Variants in EXD3 observed in about 807,000 individuals in gnomAD.
The protein encoded by EXD3 is exonuclease 3'-5' domain containing 3, also known as exonuclease mut-7 homolog.
In EXD3, 92 loss-of-function variants were observed where a neutral mutation model predicts 98.0. The observed-to-expected ratio is 0.94, with a 90% CI of 0.79 to 1.12. The LOEUF is 1.12. Among genes scored for constraint, EXD3 ranks in the 50% most tolerant of loss-of-function variants. The probability of loss-of-function intolerance (pLI) is 0.00; values close to 1 mark genes in which losing one functional copy is unlikely to be tolerated. For synonymous variants in EXD3, 569 were observed against 526.0 expected, an observed-to-expected ratio of 1.08 and a Z score of -1.12; for missense variants, 1,222 against 1,191.6, an observed-to-expected ratio of 1.03 and a Z score of -0.38.
intron 10 of EXD3, 140 bp downstream of exon 10, chr9:137,354,199 G>T: frequency 6.9e-7 from 1 of 1,455,972 alleles, no homozygotes; most frequent in Non-Finnish European, 9.2e-7. Context: ...CCAGCCACAC[G>T]CCCCAACATG....
chr9:137,346,344 G>A (rs1833931446), intron 17 of EXD3, among the ~76,000 whole-genome samples: 1 of 149,002 alleles, frequency 6.7e-6, no homozygotes, highest in Admixed American at 6.7e-5. Flanking sequence ...CCCATAACTA[G>A]TATTTAAACA....
In EXD3 at chr9:137,346,238, C is replaced by CAAAAAAAAAAAAAAAAAA. The variant is rs563761495; in HGVS notation, c.1998+1815_1998+1832dup. Among the ~76,000 whole-genome samples the CAAAAAAAAAAAAAAAAAA allele has an allele frequency of 9.5e-4, 13 of 13,614 alleles. 2 individuals are homozygous for CAAAAAAAAAAAAAAAAAA. Among genetic ancestry groups the CAAAAAAAAAAAAAAAAAA allele is most frequent in the African/African-American group, 3.1e-3 (11 of 3,508 alleles). 8.9% of individuals were successfully genotyped at this position (13,614 alleles called of 152,430 possible). A position where few individuals can be genotyped will look rare whatever the true frequency, so the allele number is the denominator to read the frequency against. On this transcript the variant is annotated intron_variant, in intron 17 of 21. Coordinates refer to ENST00000340951, the MANE Select transcript of EXD3 (RefSeq NM_017820.5). ...TGGGAGACAGAGCAAGACTCCGTCT[C>CAAAAAAAAAAAAAAAAAA]AAAAAAAAAAAAAAAAAAAAAAAAA...
Position 137,349,020 on chromosome 9 carries a change from G to A in EXD3, c.1830+90C>T, listed in dbSNP as rs1484469496. 2.8e-6 allele frequency: 4 copies of A among 1,424,312 alleles called. No homozygotes were observed. The African/African-American group carries it at 4.3e-5, about 15-fold the overall frequency. The allele number at this position is 1,424,312 out of a possible 1,614,324, so 88.2% of individuals were successfully genotyped here. ...CCCCCTCCACACGCTCTGACCCAGT[G>A]GCCTTGTCTCCATGCAGGTCCTTGG... On this transcript the variant is annotated intron_variant, in intron 16 of 21. Coordinates refer to ENST00000340951, the MANE Select transcript of EXD3 (RefSeq NM_017820.5). The surrounding 1 kb of genome is among the most constrained non-coding windows in gnomAD (Gnocchi z 7.4).
chr9:137,418,727 T>A (rs1441763405), intron 1 of EXD3, among the ~76,000 whole-genome samples: 1 of 151,700 alleles, frequency 6.6e-6, no homozygotes, highest in Non-Finnish European at 1.5e-5. Flanking sequence ...TTTCGTGTAG[T>A]AATAAGAGAT....
At chr9:137,308,761 C>G (rs1831198803) in intron 20 of EXD3, among the ~76,000 whole-genome samples, 1 of 151,946 alleles carries the variant, frequency 6.6e-6, no homozygotes, top group Non-Finnish European at 1.5e-5. Flanking sequence ...CTCAGCCTCC[C>G]AAGTAGCTGG....
chr9:137,321,690 A>G (rs566015111), intron 19 of EXD3, among the ~76,000 whole-genome samples: 10 of 152,180 alleles, frequency 6.6e-5, no homozygotes, highest in Admixed American at 2.0e-4. Flanking sequence ...CCCACCCCCA[A>G]AAAACCCCAG....
chr9:137,400,818 A>G (rs1309854475), intron 1 of EXD3, among the ~76,000 whole-genome samples: 1 of 152,132 alleles, frequency 6.6e-6, no homozygotes, highest in African/African-American at 2.4e-5. Context: ...AAGGGATTAC[A>G]GGGCCCACGC....
At chr9:137,402,175 C>A (rs1837505612) in intron 1 of EXD3, among the ~76,000 whole-genome samples, 1 of 151,950 alleles carries the variant, frequency 6.6e-6, no homozygotes, top group African/African-American at 2.4e-5. Context: ...GCCACCACGC[C>A]CGGCTAATTT....
intron 1 of EXD3, among the ~76,000 whole-genome samples, chr9:137,419,070 G>A (rs1838380592): frequency 6.6e-6 from 1 of 152,058 alleles, no homozygotes; most frequent in Admixed American, 6.6e-5. Context: ...ACCCCGAGAA[G>A]TCCAAGGGAG....
intron 1 of EXD3, among the ~76,000 whole-genome samples, chr9:137,409,088 G>A (rs1837872958): frequency 6.6e-6 from 1 of 152,242 alleles, no homozygotes; most frequent in African/African-American, 2.4e-5. Context: ...GTGGGGCCTT[G>A]GGACGTGCCC....
chr9:137,328,388 AACTAATATACAC>A (rs1230571893), intron 17 of EXD3, among the ~76,000 whole-genome samples: 85 of 152,390 alleles, frequency 5.6e-4, no homozygotes, highest in African/African-American at 1.5e-3. Flanking sequence ...GAGTAAAAAC[AACTAATATACAC>A]TCATATGATG....
At chr9:137,414,745 G>A (rs1034528269) in intron 1 of EXD3, among the ~76,000 whole-genome samples, 1 of 152,196 alleles carries the variant, frequency 6.6e-6, no homozygotes, top group Non-Finnish European at 1.5e-5. Flanking sequence ...ACAGGAGATG[G>A]AGAAGGAGGC....
Position 137,367,959 on chromosome 9 carries a change from G to T in EXD3, c.493C>A (p.Gln165Lys). 2 of 1,611,918 alleles carry T rather than the reference G, an allele frequency of 1.2e-6. No homozygotes were observed. The highest frequency in any genetic ancestry group is 2.2e-5 in the South Asian group (2 of 91,070). The change falls in exon 6 of 22, where the codon CAG becomes AAG. Residue 165 changes from glutamine (Q) to lysine (K), a missense_variant. Gln to Lys is a moderately conservative substitution (Grantham distance 53). Coordinates refer to ENST00000340951, the MANE Select transcript of EXD3 (RefSeq NM_017820.5). The stretch of plus-strand genomic sequence containing the variant: ...ACCTTTTCAACGCCAAGCTCCGACT[G>T]CAGCTTCAACGTCGCGCCCAGCGTG... Reference protein sequence around the residue: ...AATLGATLKLQSELGVEKMSI... With the variant: ...AATLGATLKLKSELGVEKMSI...
intron 1 of EXD3, among the ~76,000 whole-genome samples, chr9:137,401,150 TC>T (rs1797333867): frequency 8.2e-6 from 1 of 122,218 alleles, no homozygotes; most frequent in Non-Finnish European, 1.7e-5. Flanking sequence ...CCCACCCATT[TC>T]CTTTTTTTTT....
intron 2 of EXD3, among the ~76,000 whole-genome samples, chr9:137,388,211 C>CCA (rs1426101001): frequency 6.6e-5 from 10 of 152,270 alleles, no homozygotes; most frequent in Non-Finnish European, 1.2e-4. Flanking sequence ...GCTTCCCCCC[C>CCA]AGCCACCCTC....
At chr9:137,422,411 G>C (rs986894703) in intron 1 of EXD3, among the ~76,000 whole-genome samples, 1 of 152,104 alleles carries the variant, frequency 6.6e-6, no homozygotes, top group African/African-American at 2.4e-5. Context: ...CTCGAGCCAA[G>C]TAACTATCCA....
intron 10 of EXD3, 64 bp from the exon 11 acceptor site, chr9:137,352,850 G>A (rs969894807): frequency 4.9e-5 from 75 of 1,520,038 alleles, no homozygotes; most frequent in Middle Eastern, 2.1e-4. Context: ...GCCCTGCCCC[G>A]AGGGACCCCC....
rs549374602 is a variant in EXD3 at position 137,346,188 on chromosome 9, G to A, written c.1998+1883C>T. 4.6e-4 allele frequency among the ~76,000 whole-genome samples: 57 copies of A among 123,770 alleles called. 1 individual carries two copies. Among genetic ancestry groups the A allele is most frequent in the Admixed American group, 3.8e-3 (36 of 9,546 alleles). The allele number at this position is 123,770 out of a possible 152,430, so 81.2% of individuals were successfully genotyped here. A position where few individuals can be genotyped will look rare whatever the true frequency, so the allele number is the denominator to read the frequency against. Reference sequence around the variant, plus strand: ...TGGGAGGCGGAGCTTGCAGTGAGCCGAGATCGCACCACTGCACTCCGGGCT... The same window carrying A: ...TGGGAGGCGGAGCTTGCAGTGAGCCAAGATCGCACCACTGCACTCCGGGCT... On this transcript the variant is annotated intron_variant, in intron 17 of 21. Transcript: ENST00000340951.
chr9:137,351,506 T>A lies in EXD3; in HGVS notation c.1196A>T (p.Asp399Val). The change falls in exon 13 of 22, where the codon GAC becomes GTC. Residue 399 changes from aspartate to valine, a missense_variant. Coordinates refer to ENST00000340951, the MANE Select transcript of EXD3 (RefSeq NM_017820.5). ...LLQCHQVVGV[D>V]VEWTPVFVAG... Reference sequence around the variant, plus strand: ...AACAAACACAGGTGTCCACTCCACGTCTACACCAACCACTTGGTGGCACTG... The same window carrying A: ...AACAAACACAGGTGTCCACTCCACGACTACACCAACCACTTGGTGGCACTG... 6.3e-7 allele frequency: 1 copy of A among 1,593,968 alleles called. No homozygotes were observed. Among genetic ancestry groups the A allele is most frequent in the Non-Finnish European group, 8.5e-7 (1 of 1,171,758 alleles).
Sources: allele counts gnomAD v4.1 joint callset (sites outside exome capture counted in the v4.1 genomes callset), GRCh38; gene constraint gnomAD v4.1.1; non-coding constraint Gnocchi (gnomAD v3.1); transcripts MANE v1.5; gene names NCBI Gene and HGNC (gene_info 2026-07-23, HGNC 2026-07-21).